Variants in TRAPPC9 observed in about 807,000 individuals in gnomAD.
The protein encoded by TRAPPC9 is IKK2 binding protein.
In TRAPPC9, 83 loss-of-function variants were observed where a neutral mutation model predicts 124.0. The ratio of observed to expected loss-of-function variants is 0.67; its 90% confidence interval spans 0.56 to 0.80. TRAPPC9 has a LOEUF of 0.80. Among genes scored for constraint, TRAPPC9 ranks in the 30% least tolerant of loss-of-function variants. The pLI, the probability that TRAPPC9 is intolerant of heterozygous loss-of-function variation, is 0.00. For synonymous variants in TRAPPC9, 638 were observed against 617.5 expected (o/e 1.03, Z -0.49); for missense variants, 1,302 against 1,508.3 (o/e 0.86, Z 2.27).
intron 19 of TRAPPC9, among the ~76,000 whole-genome samples, chr8:139,947,026 C>A (rs1263627320): frequency 6.6e-6 from 1 of 151,970 alleles, no homozygotes; most frequent in Non-Finnish European, 1.5e-5. Context: ...AAGGCCCTGG[C>A]TGGGAAAAGA....
chr8:139,810,566 C>CTG (rs1411796955), intron 21 of TRAPPC9, among the ~76,000 whole-genome samples: 2 of 152,132 alleles, frequency 1.3e-5, no homozygotes, highest in Non-Finnish European at 2.9e-5. Context: ...CAGCACACCA[C>CTG]TGCGTAAAGC....
At chr8:139,851,264 G>A (rs1376007325) in intron 21 of TRAPPC9, among the ~76,000 whole-genome samples, 1 of 152,286 alleles carries the variant, frequency 6.6e-6, no homozygotes, top group East Asian at 1.9e-4. Context: ...TCTTGAACTT[G>A]ACCGGATTCA....
intron 21 of TRAPPC9, among the ~76,000 whole-genome samples, chr8:139,809,388 G>A (rs746989353): frequency 7.2e-5 from 11 of 152,174 alleles, no homozygotes; most frequent in Non-Finnish European, 1.0e-4. Context: ...AGGAGACTGC[G>A]AACTGAGGAA....
At chr8:140,023,341 G>A (rs1005352314) in intron 18 of TRAPPC9, among the ~76,000 whole-genome samples, 5 of 152,230 alleles carry the variant, frequency 3.3e-5, no homozygotes, top group African/African-American at 9.6e-5. Context: ...AGAATACCCT[G>A]AGTATCTCTT....
At chr8:139,837,712 T>C (rs765965674) in intron 21 of TRAPPC9, among the ~76,000 whole-genome samples, 1 of 152,120 alleles carries the variant, frequency 6.6e-6, no homozygotes, top group African/African-American at 2.4e-5. Flanking sequence ...TCCCCTGCCA[T>C]TTCCCCACAC....
chr8:140,035,215 G>A (rs1840800080), intron 17 of TRAPPC9, among the ~76,000 whole-genome samples: 1 of 152,202 alleles, frequency 6.6e-6, no homozygotes. Flanking sequence ...ATTTTCCATT[G>A]GCACTCATTT....
intron 20 of TRAPPC9, among the ~76,000 whole-genome samples, chr8:139,894,220 G>C (rs1323483285): frequency 6.6e-6 from 1 of 152,216 alleles, no homozygotes; most frequent in Non-Finnish European, 1.5e-5. Flanking sequence ...GCAGCCCCCT[G>C]CACTTTCTAC....
intron 16 of TRAPPC9, among the ~76,000 whole-genome samples, chr8:140,240,674 GC>G (rs1264473001): frequency 6.6e-6 from 1 of 152,140 alleles, no homozygotes; most frequent in Non-Finnish European, 1.5e-5. Flanking sequence ...CTGGGCTCAA[GC>G]AATCCTCCCA....
intron 17 of TRAPPC9, among the ~76,000 whole-genome samples, chr8:140,126,830 G>C (rs1241841795): frequency 6.6e-6 from 1 of 152,216 alleles, no homozygotes; most frequent in Non-Finnish European, 1.5e-5. Context: ...GCAGGGAGTG[G>C]ACTCACGGGC....
intron 21 of TRAPPC9, among the ~76,000 whole-genome samples, chr8:139,798,322 T>A (rs1179367886): frequency 6.6e-6 from 1 of 152,262 alleles, no homozygotes; most frequent in Non-Finnish European, 1.5e-5. Context: ...TGCTGGTGTA[T>A]ATAAACACAA....
chr8:139,973,616 G>A (rs1053703987), intron 19 of TRAPPC9, among the ~76,000 whole-genome samples: 3 of 152,320 alleles, frequency 2.0e-5, no homozygotes, highest in African/African-American at 7.2e-5. Context: ...ATTGGAAAAC[G>A]ACGAATGAAC....
chr8:140,437,140 A>AT (rs1203807026), intron 3 of TRAPPC9, among the ~76,000 whole-genome samples: 2 of 116,956 alleles, frequency 1.7e-5, no homozygotes, highest in African/African-American at 5.3e-5. Flanking sequence ...ATGTCTTTTT[A>AT]TTTTATTTTA....
At chr8:140,080,996 C>A (rs1486796672) in intron 17 of TRAPPC9, among the ~76,000 whole-genome samples, 1 of 152,196 alleles carries the variant, frequency 6.6e-6, no homozygotes, top group Non-Finnish European at 1.5e-5. Flanking sequence ...CGGTACAAAG[C>A]CTGGACTCCT....
At chr8:140,246,128 A>C (rs2063980731) in intron 16 of TRAPPC9, among the ~76,000 whole-genome samples, 1 of 152,246 alleles carries the variant, frequency 6.6e-6, no homozygotes, top group South Asian at 2.1e-4. Context: ...CTCAAGTAGC[A>C]TTGAGAACTC....
At chr8:140,141,025 C>G (rs1457935812) in intron 17 of TRAPPC9, among the ~76,000 whole-genome samples, 1 of 152,192 alleles carries the variant, frequency 6.6e-6, no homozygotes, top group Non-Finnish European at 1.5e-5. Context: ...TTATTTTGTT[C>G]TTCATGCTAA....
chr8:139,815,886 A>G lies in TRAPPC9; in HGVS notation c.3055+69993T>C, dbSNP rs145107379. Among the ~76,000 whole-genome samples the G allele has an allele frequency of 9.7e-4, 148 of 152,298 alleles. 3 individuals carry two copies. The East Asian group carries it at 0.027, about 28-fold the overall frequency. Reference sequence around the variant, plus strand: ...TTGTGCTCATCACCTGACTCTTAGGAGCTCACTGACTCTTCACAGTCACCT... The same window carrying G: ...TTGTGCTCATCACCTGACTCTTAGGGGCTCACTGACTCTTCACAGTCACCT... On this transcript the variant is annotated intron_variant, in intron 21 of 22. Coordinates refer to ENST00000438773, the MANE Select transcript of TRAPPC9 (RefSeq NM_001160372.4).
intron 5 of TRAPPC9, 109 bp downstream of exon 5, chr8:140,426,506 A>C: frequency 8.9e-7 from 1 of 1,129,496 alleles, no homozygotes; most frequent in Non-Finnish European, 1.3e-6. Context: ...TACTTAAATC[A>C]GAATGTTCCA....
At chr8:140,269,467 G>A (rs1236528985) in intron 15 of TRAPPC9, among the ~76,000 whole-genome samples, 1 of 151,966 alleles carries the variant, frequency 6.6e-6, no homozygotes, top group African/African-American at 2.4e-5. Flanking sequence ...CGTGAACCCG[G>A]GAGGCGGAGT....
At chr8:140,047,729 C>T (rs1291341834) in intron 17 of TRAPPC9, among the ~76,000 whole-genome samples, 11 of 152,112 alleles carry the variant, frequency 7.2e-5, no homozygotes, top group African/African-American at 2.4e-4. Context: ...CCCCGAGTTC[C>T]GGTGTGCTGG....
Sources: allele counts gnomAD v4.1 joint callset (sites outside exome capture counted in the v4.1 genomes callset), GRCh38; gene constraint gnomAD v4.1.1; transcripts MANE v1.5; gene names NCBI Gene and HGNC (gene_info 2026-07-23, HGNC 2026-07-21).